MUC5B: variants seen among roughly 807,000 people sequenced by gnomAD.
MUC5B encodes the protein mucin 5B, oligomeric mucus/gel-forming.
In MUC5B, 116 loss-of-function variants were observed where a neutral mutation model predicts 376.9. The observed-to-expected ratio is 0.31, with a 90% CI of 0.26 to 0.36. MUC5B has a LOEUF of 0.36. MUC5B is among the 10% of genes least tolerant of loss of function. The pLI is 1.00. For synonymous variants in MUC5B, 3,517 were observed against 3,390.9 expected (o/e 1.04, Z -1.29); for missense variants, 7,165 against 7,769.9 (o/e 0.92, Z 2.93).
chr11:1,260,761 C>G, intron 48 of MUC5B, 33 bp downstream of exon 48: 1 of 1,527,272 alleles, frequency 6.5e-7, no homozygotes, highest in African/African-American at 1.4e-5. Flanking sequence ...GCCAAGAGCA[C>G]CTGCGTGTGG....
intron 7 of MUC5B, 69 bp downstream of exon 7, chr11:1,227,850 G>A (rs1295520913): frequency 3.0e-6 from 2 of 660,600 alleles, no homozygotes; most frequent in East Asian, 5.5e-5. Flanking sequence ...CTGGGCCGAG[G>A]TCTGAGGAAT....
chr11:1,257,427 G>C lies in MUC5B; in HGVS notation c.16270-103G>C. ...GTGCGCTTCCTGCCCCATCACTCTG[G>C]GCCACTCGGGTACCAGCCCGAGGGA... On this transcript the variant is annotated intron_variant, in intron 40 of 48. Transcript: ENST00000529681. This position sits in a 1 kb window ranked among gnomAD's most constrained non-coding sequence, Gnocchi z 8.9. 4 of 1,395,036 alleles carry C rather than the reference G, an allele frequency of 2.9e-6. No individual in the cohort carries two copies. Among genetic ancestry groups the C allele is most frequent in the South Asian group, 2.5e-5 (2 of 80,106 alleles). 86.4% of individuals were successfully genotyped at this position (1,395,036 alleles called of 1,614,324 possible).
intron 1 of MUC5B, chr11:1,223,479 TG>T: frequency 2.6e-6 from 1 of 378,418 alleles, no homozygotes. Context: ...GTCTTGGTCT[TG>T]GGGGTGGGAC....
rs2133845323 is a variant in MUC5B, at chr11:1,251,665, C to G, written c.14785C>G (p.Leu4929Val). 1 of 1,613,028 alleles carries G rather than the reference C, an allele frequency of 6.2e-7. No individual in the cohort carries two copies. The highest frequency in any genetic ancestry group is 1.3e-5 in the African/African-American group (1 of 75,068). The change falls in exon 31 of 49, where the codon CTG (leucine) becomes GTG (valine). Residue 4929 changes from leucine to valine, a missense_variant. Leu to Val is a conservative substitution (Grantham distance 32, BLOSUM62 1). Around this residue, in one of 31 missense-constraint regions of MUC5B, gnomAD observed 730 missense variants for 592.7 expected, o/e 1.23. Transcript: ENST00000529681. ...STVSSSVLTTLRPTGFPSSHF... is the reference protein window; with the variant it reads ...STVSSSVLTTVRPTGFPSSHF... Reference sequence around the variant, plus strand: ...TGTGTCCTCCTCAGTCCTCACCACCCTGAGACCCACTGGCTTCCCCAGCTC... The same window carrying G: ...TGTGTCCTCCTCAGTCCTCACCACCGTGAGACCCACTGGCTTCCCCAGCTC...
chr11:1,257,673 C>G lies in MUC5B; in HGVS notation c.16413C>G (p.Pro5471=). Residue 5471 remains proline (P), a synonymous_variant, in exon 41 of 49, where the codon CCC becomes CCG. Coordinates refer to ENST00000529681, the MANE Select transcript of MUC5B (RefSeq NM_002458.3). The surrounding 1 kb of genome is among the most constrained non-coding windows in gnomAD (Gnocchi z 8.9). ...CCGGCTTCGTAACCGTGACCAGGCC[C>G]CGGGCCGAGAACCCCTGCTGCCCCG... ...NRPGFVTVTR[P]RAENPCCPET... 7 of 1,577,368 alleles carry G rather than the reference C, an allele frequency of 4.4e-6. No homozygotes were observed. Among genetic ancestry groups the G allele is most frequent in the Non-Finnish European group, 6.0e-6 (7 of 1,169,120 alleles).
rs781582203 is a variant in MUC5B at position 1,228,792 on chromosome 11, G to A, written c.976+27G>A. ...TGAGTGCTCCCAGGGCCTTCGCCAG[G>A]GATTGTGCCAGAGAGAAGGGGCAGG... is the stretch of plus-strand genomic sequence containing the variant. On this transcript the variant is annotated intron_variant, in intron 8 of 48. Transcript: ENST00000529681. 520 of 1,373,550 alleles carry A rather than the reference G, an allele frequency of 3.8e-4. 2 individuals carry two copies. The highest frequency in any genetic ancestry group is 1.6e-3 in the East Asian group (41 of 26,272). 85.1% of individuals were successfully genotyped at this position (1,373,550 alleles called of 1,614,324 possible). A position where few individuals can be genotyped will look rare whatever the true frequency, so the allele number is the denominator to read the frequency against.
In MUC5B at chr11:1,246,866, C is replaced by T. The variant is rs550600991; in HGVS notation, c.9986C>T (p.Thr3329Met). Reference protein sequence around the residue: ...TPSSSPGTALTPPVWISTTTT... With the variant: ...TPSSSPGTALMPPVWISTTTT... ...TCCTCCAGCCCAGGGACGGCACTCA[C>T]GCCTCCAGTGTGGATCAGCACAACC... The change falls in exon 31 of 49, where the codon ACG becomes ATG. Residue 3329 changes from threonine to methionine, a missense_variant. By Grantham distance (81) the Thr-to-Met change is moderately conservative. Coordinates refer to ENST00000529681, the MANE Select transcript of MUC5B (RefSeq NM_002458.3). 4.9e-5 allele frequency: 79 copies of T among 1,610,348 alleles called. No individual in the cohort carries two copies. In the East Asian group the frequency reaches 6.9e-4, roughly 14 times the overall value.
At chr11:1,252,266 C>T (rs1862724047) in intron 31 of MUC5B, 77 bp from the exon 32 acceptor site, 15 of 1,423,278 alleles carry the variant, frequency 1.1e-5, no homozygotes, top group Non-Finnish European at 1.4e-5. Context: ...GCGCTGACCT[C>T]TGCCTTTGCT....
rs1862564013 is a variant in MUC5B at position 1,248,503 on chromosome 11, G to A, written c.11623G>A (p.Val3875Ile). ...VPTTTTTGFT[V>I]TPSSSPGTAR... is the part of the protein sequence containing the mutation. Reference sequence around the variant, plus strand: ...GACTACCACAACCACGGGCTTCACAGTCACCCCCTCCTCCAGCCCAGGGAC... The same window carrying A: ...GACTACCACAACCACGGGCTTCACAATCACCCCCTCCTCCAGCCCAGGGAC... The change falls in exon 31 of 49, where the codon GTC becomes ATC. Residue 3875 changes from valine (V) to isoleucine (I), a missense_variant. This residue lies in a region of MUC5B where 242 missense variants were observed against 199.0 expected (regional missense o/e 1.22). Coordinates refer to ENST00000529681, the MANE Select transcript of MUC5B (RefSeq NM_002458.3). 1 of 1,611,972 alleles carries A rather than the reference G, an allele frequency of 6.2e-7. No individual in the cohort carries two copies. The highest frequency in any genetic ancestry group is 1.3e-5 in the African/African-American group (1 of 74,640).
At position 1,261,539 on chromosome 11, in the gene MUC5B, C is replaced by A; in HGVS notation, c.17220C>A (p.Phe5740Leu). Reference protein sequence around the residue: ...THVDECGCTPFCVPAPMAPPH... With the variant: ...THVDECGCTPLCVPAPMAPPH... ...TGGATGAGTGTGGCTGCACGCCCTT[C>A]TGTGTCCCTGCGCCCATGGCTCCCC... The change falls in exon 49 of 49, where the codon TTC becomes TTA. Residue 5740 changes from phenylalanine (F) to leucine (L), a missense_variant. Physicochemically the swap from Phe to Leu is conservative, Grantham distance 22. Coordinates refer to ENST00000529681, the MANE Select transcript of MUC5B (RefSeq NM_002458.3). The A allele has an allele frequency of 6.2e-7, 1 of 1,608,464 alleles. No individual in the cohort carries two copies. The highest frequency in any genetic ancestry group is 8.5e-7 in the Non-Finnish European group (1 of 1,178,364).
intron 26 of MUC5B, chr11:1,239,233 G>C (rs531255787): frequency 6.8e-5 from 61 of 891,474 alleles, no homozygotes; most frequent in South Asian, 5.0e-5. Flanking sequence ...GCATGAGACA[G>C]CTCCTAGGGG....
Position 1,227,763 on chromosome 11 carries a change from C to G in MUC5B, c.756C>G (p.Ala252=). The part of the protein sequence containing the change: ...EQCPDPLPLP[A]GNCTDEEGIC... Reference sequence around the variant, plus strand: ...GCCCGGACCCGCTGCCCTTGCCGGCCGGCAACTGCACGGACGAGGTGAGTC... The same window carrying G: ...GCCCGGACCCGCTGCCCTTGCCGGCGGGCAACTGCACGGACGAGGTGAGTC... The change falls in exon 7 of 49, where the codon GCC becomes GCG. Residue 252 remains alanine, a synonymous_variant. Transcript: ENST00000529681. 1.4e-6 allele frequency: 1 copy of G among 717,876 alleles called. No homozygotes were observed. Among genetic ancestry groups the G allele is most frequent in the Non-Finnish European group, 2.6e-6 (1 of 385,192 alleles). 44.5% of individuals were successfully genotyped at this position (717,876 alleles called of 1,614,324 possible). A position where few individuals can be genotyped will look rare whatever the true frequency, so the allele number is the denominator to read the frequency against.
chr11:1,247,266 C>T lies in MUC5B; in HGVS notation c.10386C>T (p.Ser3462=). The T allele has an allele frequency of 1.2e-6, 2 of 1,612,216 alleles. No individual in the cohort carries two copies. The highest frequency in any genetic ancestry group is 2.2e-5 in the East Asian group (1 of 44,896). Residue 3462 remains serine (S), a synonymous_variant, in exon 31 of 49, where the codon AGC becomes AGT. Coordinates refer to ENST00000529681, the MANE Select transcript of MUC5B (RefSeq NM_002458.3). ...CACACGGGCGGTCCCTGCCCCCCAG[C>T]AGTCCCCACACGGTGCGCACAGCCT... The part of the protein sequence containing the change: ...ATTHGRSLPP[S]SPHTVRTAWT...
rs564347870 is a variant in MUC5B at position 1,246,420 on chromosome 11, G to A, written c.9540G>A (p.Thr3180=). Residue 3180 remains threonine (T), a synonymous_variant, in exon 31 of 49, where the codon ACG becomes ACA. Transcript: ENST00000529681. The part of the protein sequence containing the change: ...TATVTVPTGS[T]ATASSTRATA... ...CCGTGACGGTGCCCACCGGATCCAC[G>A]GCCACCGCCTCCTCCACCCGGGCAA... The A allele has an allele frequency of 2.5e-5, 41 of 1,612,748 alleles. No individual in the cohort carries two copies. Among genetic ancestry groups the A allele is most frequent in the Admixed American group, 1.7e-4 (10 of 59,958 alleles).
Position 1,255,508 on chromosome 11 carries a change from G to A in MUC5B, c.16016G>A (p.Arg5339His), listed in dbSNP as rs199967813. 280 of 1,553,842 alleles carry A rather than the reference G, an allele frequency of 1.8e-4. No individual in the cohort carries two copies. The highest frequency in any genetic ancestry group is 2.2e-4 in the Non-Finnish European group (251 of 1,148,906). The change falls in exon 37 of 49, where the codon CGC (arginine) becomes CAC (histidine). Residue 5339 changes from arginine to histidine, a missense_variant. Arg to His is a conservative substitution (Grantham distance 29). Coordinates refer to ENST00000529681, the MANE Select transcript of MUC5B (RefSeq NM_002458.3). ...QSLEAYAELC[R>H]ARGVCSDWRG... ...CTGGAGGCTTACGCAGAGCTCTGCC[G>A]CGCCCGGGGAGTGTGCAGTGACTGG...
chr11:1,254,409 G>A (rs1488717749), intron 34 of MUC5B, 58 bp downstream of exon 34: 2 of 1,579,106 alleles, frequency 1.3e-6, no homozygotes, highest in East Asian at 4.5e-5. Flanking sequence ...ACCTGGGCAG[G>A]CCGACTGCAG....
intron 44 of MUC5B, among the ~76,000 whole-genome samples, chr11:1,259,301 G>C (rs1289001579): frequency 6.9e-6 from 1 of 144,964 alleles, no homozygotes; most frequent in Non-Finnish European, 1.5e-5. Context: ...GCCCCCAGGT[G>C]AGCCACCAAG....
Position 1,241,449 on chromosome 11 carries a change from T to G in MUC5B, c.4569T>G (p.Leu1523=). 6.2e-7 allele frequency: 1 copy of G among 1,613,260 alleles called. No individual in the cohort carries two copies. The highest frequency in any genetic ancestry group is 8.5e-7 in the Non-Finnish European group (1 of 1,179,506). Residue 1523 remains leucine, a synonymous_variant, in exon 31 of 49, where the codon CTT becomes CTG. Transcript: ENST00000529681. ...FDEDYPKSEQ[L]GGDVESYDKI... ...AGGACTACCCCAAGTCTGAACAACT[T>G]GGAGGGGACGTTGAGTCCTACGATA...
chr11:1,224,390 A>G (rs1002764062), intron 1 of MUC5B, among the ~76,000 whole-genome samples: 61 of 147,918 alleles, frequency 4.1e-4, no homozygotes, highest in African/African-American at 1.5e-3. Context: ...ATGGAGGCCC[A>G]GGTGGTCCAG....
Sources: allele counts gnomAD v4.1 joint callset (sites outside exome capture counted in the v4.1 genomes callset), GRCh38; gene constraint gnomAD v4.1.1; regional missense constraint gnomAD v4.1.1; non-coding constraint Gnocchi (gnomAD v3.1); transcripts MANE v1.5; gene names NCBI Gene and HGNC (gene_info 2026-07-23, HGNC 2026-07-21).